NCOA2: variants seen among roughly 807,000 people sequenced by gnomAD.
NCOA2 encodes class E basic helix-loop-helix protein 75.
Under a neutral mutation model 145.1 loss-of-function variants are expected in NCOA2, and 21 were observed. The ratio of observed to expected loss-of-function variants is 0.14; its 90% confidence interval spans 0.10 to 0.21. The LOEUF (loss-of-function observed/expected upper bound fraction) is 0.21. Among genes scored for constraint, NCOA2 ranks in the 10% least tolerant of loss-of-function variants. NCOA2 has a pLI of 1.00. For missense variants in NCOA2, 1,472 were observed against 1,837.6 expected (o/e 0.80, Z 3.64); for synonymous variants, 619 against 637.5 (o/e 0.97, Z 0.44).
chr8:70,337,389 G>C (rs1479239686), intron 1 of NCOA2, among the ~76,000 whole-genome samples: 3 of 152,174 alleles, frequency 2.0e-5, no homozygotes, highest in South Asian at 2.1e-4. Context: ...AACTTTCCAA[G>C]AGAGACCTTT....
chr8:70,277,728 A>T (rs1296651506), intron 2 of NCOA2, among the ~76,000 whole-genome samples: 2 of 152,160 alleles, frequency 1.3e-5, no homozygotes, highest in East Asian at 1.9e-4. Flanking sequence ...GTCATTTTTT[A>T]AAAAATGAAT....
chr8:70,401,626 C>T (rs955115889), intron 1 of NCOA2, among the ~76,000 whole-genome samples: 5 of 152,048 alleles, frequency 3.3e-5, no homozygotes, highest in Non-Finnish European at 5.9e-5. Context: ...AAACAAGAAA[C>T]CAGTGAAGCC....
At chr8:70,138,356 CT>C in intron 14 of NCOA2, 24 bp from the exon 15 acceptor site, 1 of 1,574,038 alleles carries the variant, frequency 6.4e-7, no homozygotes, top group Non-Finnish European at 8.6e-7. Flanking sequence ...AGAAAAAAAT[CT>C]TACATCTTTA....
At chr8:70,318,819 A>T (rs1805822797) in intron 1 of NCOA2, among the ~76,000 whole-genome samples, 1 of 151,930 alleles carries the variant, frequency 6.6e-6, no homozygotes, top group Admixed American at 6.6e-5. Context: ...GCAGGACTAC[A>T]GTTTACAGCC....
intron 2 of NCOA2, among the ~76,000 whole-genome samples, chr8:70,234,780 A>G (rs1821454027): frequency 6.6e-6 from 1 of 152,216 alleles, no homozygotes; most frequent in Non-Finnish European, 1.5e-5. Context: ...ACCAAGGCCA[A>G]AAAGTAAAAG....
chr8:70,202,069 TC>T (rs1817953733), intron 4 of NCOA2, among the ~76,000 whole-genome samples: 1 of 152,174 alleles, frequency 6.6e-6, no homozygotes, highest in Non-Finnish European at 1.5e-5. Context: ...TTTCAAAATA[TC>T]TCCTTGGAAA....
At chr8:70,305,558 C>T (rs921336971) in intron 1 of NCOA2, among the ~76,000 whole-genome samples, 1 of 151,994 alleles carries the variant, frequency 6.6e-6, no homozygotes, top group African/African-American at 2.4e-5. Context: ...CAGGACTGCC[C>T]GAGCACAGGA....
chr8:70,113,735 CTG>C (rs1321035608), intron 22 of NCOA2, 92 bp from the exon 23 acceptor site: 4 of 1,268,610 alleles, frequency 3.2e-6, no homozygotes, highest in Admixed American at 4.0e-5. Flanking sequence ...AAATTCCTGA[CTG>C]TTTTCAATAA....
chr8:70,293,608 C>G (rs1292190645), intron 2 of NCOA2, among the ~76,000 whole-genome samples: 3 of 152,196 alleles, frequency 2.0e-5, no homozygotes. Context: ...CCACCCAAAT[C>G]TTCCAACACA....
At chr8:70,140,005 G>C (rs1447369485) in intron 14 of NCOA2, among the ~76,000 whole-genome samples, 1 of 152,058 alleles carries the variant, frequency 6.6e-6, no homozygotes, top group Non-Finnish European at 1.5e-5. Flanking sequence ...TTGGAATTAT[G>C]CTAATGTACA....
intron 21 of NCOA2, among the ~76,000 whole-genome samples, chr8:70,122,727 T>C (rs1807961954): frequency 6.6e-6 from 1 of 152,238 alleles, no homozygotes; most frequent in South Asian, 2.1e-4. Context: ...TCGTTTTAAA[T>C]AAAACACGGA....
chr8:70,380,011 G>A (rs1424926776), intron 1 of NCOA2, among the ~76,000 whole-genome samples: 1 of 151,986 alleles, frequency 6.6e-6, no homozygotes, highest in Non-Finnish European at 1.5e-5. Flanking sequence ...AAAGGCAGTC[G>A]GATTAGTTCT....
the NCOA2 span, among the ~76,000 whole-genome samples, chr8:70,410,524 G>A: frequency 6.6e-6 from 1 of 152,090 alleles, no homozygotes. Context: ...TTTTAGAGAT[G>A]GAGTTTCACC....
At chr8:70,331,350 A>G (rs16936924) in intron 1 of NCOA2, among the ~76,000 whole-genome samples, 10,231 of 152,200 alleles carry the variant, frequency 0.067, 442 homozygotes, top group East Asian at 0.16. Context: ...TACAGCTTTT[A>G]TGTGTCCTTG....
chr8:70,407,514 C>T (rs545710049), upstream of NCOA2, among the ~76,000 whole-genome samples: 256 of 152,070 alleles, frequency 1.7e-3, no homozygotes, highest in Non-Finnish European at 2.1e-3. Context: ...ATTGGCTGGG[C>T]GCAGTGGCTC....
the NCOA2 span, among the ~76,000 whole-genome samples, chr8:70,421,035 A>C: frequency 1.3e-5 from 2 of 152,282 alleles, no homozygotes; most frequent in African/African-American, 4.8e-5. Context: ...AAAGGAAAAA[A>C]TATTTAATTT....
At chr8:70,436,698 T>C in the NCOA2 span, among the ~76,000 whole-genome samples, 1 of 152,228 alleles carries the variant, frequency 6.6e-6, no homozygotes, top group Admixed American at 6.5e-5. Flanking sequence ...AGAGTGCTGA[T>C]TAAATTGAAG....
intron 9 of NCOA2, among the ~76,000 whole-genome samples, chr8:70,161,070 C>T (rs1812946782): frequency 6.6e-6 from 1 of 152,214 alleles, no homozygotes; most frequent in Non-Finnish European, 1.5e-5. Context: ...CGCACCTGAA[C>T]ACATTTAGGA....
chr8:70,293,256 T>G (rs1045757121), intron 2 of NCOA2, among the ~76,000 whole-genome samples: 79 of 152,228 alleles, frequency 5.2e-4, no homozygotes, highest in African/African-American at 1.9e-3. Flanking sequence ...AAAGTGCCCA[T>G]ATCTTCATGG....
Sources: allele counts gnomAD v4.1 joint callset (sites outside exome capture counted in the v4.1 genomes callset), GRCh38; gene constraint gnomAD v4.1.1; transcripts MANE v1.5; gene names NCBI Gene and HGNC (gene_info 2026-07-23, HGNC 2026-07-21).